Variants in MTMR12 observed in about 807,000 individuals in gnomAD.
MTMR12 encodes myotubularin-related protein 12.
A neutral mutation model predicts 96.7 loss-of-function variants in MTMR12; 33 were observed. That is an observed-to-expected ratio of 0.34 (90% CI 0.26 to 0.46). The LOEUF is 0.46. Among genes scored for constraint, MTMR12 ranks in the 20% least tolerant of loss-of-function variants. The pLI is 1.00. For synonymous variants in MTMR12, 298 were observed against 327.2 expected (o/e 0.91, Z 0.96); for missense variants, 721 against 896.1 (o/e 0.80, Z 2.49).
In MTMR12 at chr5:32,236,211, C is replaced by T. The variant is rs567376429; in HGVS notation, c.1345-1082G>A. Among the ~76,000 whole-genome samples the T allele has an allele frequency of 2.6e-5, 4 of 152,226 alleles. No individual in the cohort carries two copies. The South Asian group carries it at 8.3e-4, about 32-fold the overall frequency. On this transcript the variant is annotated intron_variant, in intron 13 of 15. Coordinates refer to ENST00000382142, the MANE Select transcript of MTMR12 (RefSeq NM_001040446.3). ...TCTTCTTAGACCTCAGACTCTTTCC[C>T]CATTAGACATGGTGCCTGCCAGTCC... is the stretch of plus-strand genomic sequence containing the variant.
chr5:32,301,741 AT>A (rs1188958456), intron 1 of MTMR12, among the ~76,000 whole-genome samples: 1 of 152,172 alleles, frequency 6.6e-6, no homozygotes, highest in East Asian at 1.9e-4. Flanking sequence ...AAATACAAAA[AT>A]TAACCGGGCA....
chr5:32,290,943 T>G (rs966509750), intron 1 of MTMR12, among the ~76,000 whole-genome samples: 1 of 152,362 alleles, frequency 6.6e-6, no homozygotes, highest in South Asian at 2.1e-4. Context: ...CTGCCCATCA[T>G]GAATTGGGCA....
chr5:32,260,362 A>G (rs1386745076), intron 7 of MTMR12, among the ~76,000 whole-genome samples: 1 of 151,680 alleles, frequency 6.6e-6, no homozygotes, highest in Non-Finnish European at 1.5e-5. Flanking sequence ...GCACCAGTGG[A>G]TGGGGGAGAC....
At chr5:32,261,543 C>T (rs980529259) in intron 7 of MTMR12, among the ~76,000 whole-genome samples, 3 of 152,202 alleles carry the variant, frequency 2.0e-5, no homozygotes, top group Non-Finnish European at 4.4e-5. Flanking sequence ...TCACCTCCAG[C>T]ACTCCCTAAC....
chr5:32,295,835 T>A (rs1750899968), intron 1 of MTMR12, among the ~76,000 whole-genome samples: 1 of 152,204 alleles, frequency 6.6e-6, no homozygotes, highest in South Asian at 2.1e-4. Flanking sequence ...CTTACACTTT[T>A]GAACTTTAAA....
intron 1 of MTMR12, among the ~76,000 whole-genome samples, chr5:32,278,162 C>T (rs1247264707): frequency 6.6e-6 from 1 of 152,178 alleles, no homozygotes; most frequent in Non-Finnish European, 1.5e-5. Flanking sequence ...AAGAGAGGCA[C>T]CATGGGCCTC....
At chr5:32,268,875 T>C in intron 5 of MTMR12, 81 bp from the exon 6 acceptor site, 1 of 1,148,782 alleles carries the variant, frequency 8.7e-7, no homozygotes. Flanking sequence ...GGTGTCTAAG[T>C]TCTTAGTCAT....
chr5:32,260,037 C>CAAA (rs55822680), intron 7 of MTMR12, among the ~76,000 whole-genome samples: 7 of 54,814 alleles, frequency 1.3e-4, no homozygotes, highest in Non-Finnish European at 1.6e-4. Flanking sequence ...CTCAGTCTCC[C>CAAA]AAAAAAAAAA....
intron 5 of MTMR12, among the ~76,000 whole-genome samples, chr5:32,269,276 C>T (rs138402435): frequency 2.3e-3 from 348 of 152,118 alleles, no homozygotes; most frequent in African/African-American, 8.2e-3. Context: ...ATCTACCTGC[C>T]TCAGCCTCCC....
chr5:32,296,470 C>T, intron 1 of MTMR12: 1 of 369,648 alleles, frequency 2.7e-6, no homozygotes, highest in Admixed American at 2.8e-5. Context: ...CAGAGCAAGA[C>T]CTTGTCTCCA....
chr5:32,236,278 T>A (rs1279897589), intron 13 of MTMR12, among the ~76,000 whole-genome samples: 1 of 152,192 alleles, frequency 6.6e-6, no homozygotes, highest in Non-Finnish European at 1.5e-5. Flanking sequence ...GTAGGCGCAG[T>A]GGCTCATGTG....
intron 5 of MTMR12, among the ~76,000 whole-genome samples, chr5:32,269,199 G>C (rs527387881): frequency 6.6e-6 from 1 of 151,804 alleles, no homozygotes; most frequent in African/African-American, 2.4e-5. Flanking sequence ...ACTAATCTTT[G>C]TATTTCTAGT....
rs137963908 is a variant in MTMR12 at position 32,294,595 on chromosome 5, C to T, written c.82-17853G>A. On this transcript the variant is annotated intron_variant, in intron 1 of 15. Coordinates refer to ENST00000382142, the MANE Select transcript of MTMR12 (RefSeq NM_001040446.3). ...AGATTACAGGTGTGAGCCACCGCAC[C>T]TGGCCAAGCATAGCACTTTTCACGC... 6.6e-5 allele frequency among the ~76,000 whole-genome samples: 10 copies of T among 152,246 alleles called. No individual in the cohort carries two copies. In the East Asian group the frequency reaches 1.9e-3, roughly 29 times the overall value.
chr5:32,237,970 C>T (rs960939933), intron 13 of MTMR12, among the ~76,000 whole-genome samples: 3 of 151,224 alleles, frequency 2.0e-5, no homozygotes, highest in African/African-American at 2.4e-5. Context: ...TGGCGAAACC[C>T]CATCTCTACT....
rs756559831 is a variant in MTMR12, at chr5:32,312,725, G to A, written c.81+33C>T. On this transcript the variant is annotated intron_variant, in intron 1 of 15. Transcript: ENST00000382142. The surrounding 1 kb of genome is among the most constrained non-coding windows in gnomAD (Gnocchi z 5.0). ...GGCGCCCCTCGCCCCGGCCGCCCCT[G>A]CCCGACGCCCCGCCTGCGCGGCGCC... 2 of 1,475,998 alleles carry A rather than the reference G, an allele frequency of 1.4e-6. No homozygotes were observed. The highest frequency in any genetic ancestry group is 1.8e-6 in the Non-Finnish European group (2 of 1,114,746). The allele number at this position is 1,475,998 out of a possible 1,614,324, so 91.4% of individuals were successfully genotyped here. A position where few individuals can be genotyped will look rare whatever the true frequency, so the allele number is the denominator to read the frequency against.
intron 8 of MTMR12, among the ~76,000 whole-genome samples, chr5:32,254,208 A>G (rs1749055862): frequency 6.6e-6 from 1 of 152,260 alleles, no homozygotes; most frequent in Non-Finnish European, 1.5e-5. Flanking sequence ...AGTATACACT[A>G]CGCTGGGAGG....
intron 1 of MTMR12, among the ~76,000 whole-genome samples, chr5:32,279,614 T>C (rs1750205562): frequency 6.6e-6 from 1 of 152,198 alleles, no homozygotes; most frequent in South Asian, 2.1e-4. Context: ...AAAAATTCCG[T>C]TAGGAGAACT....
intron 10 of MTMR12, among the ~76,000 whole-genome samples, chr5:32,244,292 G>GAA (rs61038640): frequency 2.9e-5 from 3 of 101,900 alleles, no homozygotes; most frequent in Admixed American, 1.0e-4. Flanking sequence ...AAAATGAAAA[G>GAA]AAAAAAAAAA....
At chr5:32,244,172 T>C (rs1008017520) in intron 10 of MTMR12, among the ~76,000 whole-genome samples, 1 of 151,710 alleles carries the variant, frequency 6.6e-6, no homozygotes. Flanking sequence ...CCCAGCACTA[T>C]AATCCCAGAA....
Sources: gnomAD v4.1 joint callset for allele counts (sites outside exome capture counted in the v4.1 genomes callset) on GRCh38, gnomAD v4.1.1 for gene constraint, Gnocchi (gnomAD v3.1) non-coding constraint, MANE v1.5 for transcripts, NCBI Gene and HGNC (gene_info 2026-07-23, HGNC 2026-07-21) for gene names.